Variants in DCC observed in about 807,000 individuals in gnomAD.
The protein encoded by DCC is DCC netrin 1 receptor.
In DCC, 58 loss-of-function variants were observed where a neutral mutation model predicts 172.5. That is an observed-to-expected ratio of 0.34 (90% CI 0.27 to 0.42). DCC has a LOEUF of 0.42. Among genes scored for constraint, DCC ranks in the 10% least tolerant of loss-of-function variants. DCC has a pLI of 1.00. For synonymous variants in DCC, 709 were observed against 644.5 expected (o/e 1.10, Z -1.52); for missense variants, 1,740 against 1,791.0 (o/e 0.97, Z 0.51).
rs567348871 is a variant in DCC, at chr18:52,665,534, T to A, written c.92-86520T>A. ...AGCAGATGTGCTTGAAGAGTTTGGA[T>A]GTCATCCAGAAGTTAGTGAATTGTA... On this transcript the variant is annotated intron_variant, in intron 1 of 28. Coordinates refer to ENST00000442544, the MANE Select transcript of DCC (RefSeq NM_005215.4). 2.6e-5 allele frequency among the ~76,000 whole-genome samples: 4 copies of A among 152,334 alleles called. No homozygotes were observed. The East Asian group carries it at 5.8e-4, about 22-fold the overall frequency.
At chr18:52,883,754 C>T (rs114429977) in intron 2 of DCC, among the ~76,000 whole-genome samples, 17 of 151,932 alleles carry the variant, frequency 1.1e-4, no homozygotes, top group South Asian at 4.2e-4. Context: ...ACAATTACAG[C>T]GTTATAATAT....
At chr18:52,618,132 G>A (rs920305631) in intron 1 of DCC, among the ~76,000 whole-genome samples, 4 of 151,998 alleles carry the variant, frequency 2.6e-5, no homozygotes, top group African/African-American at 9.7e-5. Context: ...CTATATATTT[G>A]TGAGCAAATA....
At chr18:52,628,116 T>G (rs181230983) in intron 1 of DCC, among the ~76,000 whole-genome samples, 1 of 152,348 alleles carries the variant, frequency 6.6e-6, no homozygotes, top group East Asian at 1.9e-4. Flanking sequence ...TGAGATGGCA[T>G]CAACTGTGAA....
intron 14 of DCC, among the ~76,000 whole-genome samples, chr18:53,338,875 C>G (rs2057621352): frequency 6.6e-6 from 1 of 152,102 alleles, no homozygotes; most frequent in African/African-American, 2.4e-5. Flanking sequence ...CAACACCATA[C>G]CTTCATTCTA....
intron 1 of DCC, among the ~76,000 whole-genome samples, chr18:52,434,816 C>G (rs1359142344): frequency 6.6e-6 from 1 of 152,098 alleles, no homozygotes; most frequent in East Asian, 1.9e-4. Context: ...CACACCTCCC[C>G]ACGCCCGTCC....
intron 5 of DCC, among the ~76,000 whole-genome samples, chr18:53,056,495 C>T (rs921167463): frequency 1.3e-5 from 2 of 152,100 alleles, no homozygotes; most frequent in Non-Finnish European, 2.9e-5. Context: ...ACAATGGCTC[C>T]TTAAAGTGAA....
chr18:52,864,841 T>C (rs932695496), intron 2 of DCC, among the ~76,000 whole-genome samples: 4 of 152,006 alleles, frequency 2.6e-5, no homozygotes, highest in African/African-American at 9.7e-5. Flanking sequence ...TCCATGTCCC[T>C]GCAAAGGATA....
intron 15 of DCC, among the ~76,000 whole-genome samples, chr18:53,372,284 C>G (rs901380990): frequency 2.6e-5 from 4 of 151,930 alleles, no homozygotes; most frequent in African/African-American, 9.7e-5. Context: ...TACTATGCAG[C>G]CATAAAAAAG....
In DCC at chr18:52,528,104, TA is replaced by T. The variant is rs1365969618; in HGVS notation, c.91+187230del. 2.0e-5 allele frequency among the ~76,000 whole-genome samples: 3 copies of T among 152,210 alleles called. No homozygotes were observed. The East Asian group carries it at 5.8e-4, about 29-fold the overall frequency. On this transcript the variant is annotated intron_variant, in intron 1 of 28. Transcript: ENST00000442544. ...TTTATGTCTGAGGGCACACATGGTT[TA>T]AAATTCTCAGGTATGAATACTTGTA...
In DCC at chr18:53,325,253, A is replaced by T. The variant is rs540776397; in HGVS notation, c.2164+3096A>T. ...TTTGAGGTCCAGTGTAGGTGATCAG[A>T]GAAAAGCCTCCACTAATCCTGTAGA... is the stretch of plus-strand genomic sequence containing the variant. On this transcript the variant is annotated intron_variant, in intron 14 of 28. Coordinates refer to ENST00000442544, the MANE Select transcript of DCC (RefSeq NM_005215.4). Among the ~76,000 whole-genome samples, 9 of 151,804 alleles carry T rather than the reference A, an allele frequency of 5.9e-5. No homozygotes were observed. In the East Asian group the frequency reaches 1.7e-3, roughly 29 times the overall value.
chr18:53,217,195 T>C (rs1784389054), intron 12 of DCC, among the ~76,000 whole-genome samples: 1 of 151,910 alleles, frequency 6.6e-6, no homozygotes, highest in South Asian at 2.1e-4. Flanking sequence ...ATGCTAACTG[T>C]ATTTGAATAT....
intron 2 of DCC, among the ~76,000 whole-genome samples, chr18:52,825,948 A>G (rs890738331): frequency 6.6e-6 from 1 of 152,256 alleles, no homozygotes; most frequent in Non-Finnish European, 1.5e-5. Context: ...AAAACAGCAG[A>G]TAATATTGTT....
At position 53,018,175 on chromosome 18, in the gene DCC, T is replaced by G. The variant is rs181828798; in HGVS notation, c.986-45130T>G. ...CCATAACTTAAAAGTTTAATAATAATAAGAAGTTACAAAAGATTGGAAGCT... is the reference window on the plus strand; with the variant it reads ...CCATAACTTAAAAGTTTAATAATAAGAAGAAGTTACAAAAGATTGGAAGCT... On this transcript the variant is annotated intron_variant, in intron 5 of 28. Transcript: ENST00000442544. 9.3e-4 allele frequency among the ~76,000 whole-genome samples: 141 copies of G among 152,224 alleles called. 1 individual carries two copies. The highest frequency in any genetic ancestry group is 1.3e-3 in the African/African-American group (53 of 41,538).
intron 1 of DCC, among the ~76,000 whole-genome samples, chr18:52,393,980 C>T (rs560740805): frequency 6.6e-6 from 1 of 152,176 alleles, no homozygotes; most frequent in African/African-American, 2.4e-5. Context: ...TTTCAATCCA[C>T]ACCATAGTTG....
intron 2 of DCC, among the ~76,000 whole-genome samples, chr18:52,768,206 C>G (rs1790521338): frequency 6.6e-6 from 1 of 152,226 alleles, no homozygotes; most frequent in Non-Finnish European, 1.5e-5. Flanking sequence ...TAAGAATTCA[C>G]TCTGGCTTGA....
intron 20 of DCC, 56 bp downstream of exon 20, chr18:53,410,702 C>A: frequency 9.0e-7 from 1 of 1,106,268 alleles, no homozygotes; most frequent in South Asian, 1.2e-5. Flanking sequence ...TATAAAATAG[C>A]TTTGCACTCT....
chr18:53,112,628 G>C (rs1012978098), intron 7 of DCC, among the ~76,000 whole-genome samples: 2 of 151,496 alleles, frequency 1.3e-5, no homozygotes, highest in Admixed American at 6.6e-5. Context: ...CAGATAAGCT[G>C]TATGTAAGGA....
intron 5 of DCC, among the ~76,000 whole-genome samples, chr18:52,971,826 G>A (rs1192091648): frequency 6.6e-6 from 1 of 152,086 alleles, no homozygotes; most frequent in African/African-American, 2.4e-5. Context: ...ATTGATCTTA[G>A]GTGTGACATT....
At chr18:52,789,134 C>T (rs940331858) in intron 2 of DCC, among the ~76,000 whole-genome samples, 3 of 152,088 alleles carry the variant, frequency 2.0e-5, no homozygotes, top group Non-Finnish European at 4.4e-5. Context: ...TATCATGATG[C>T]GAGGTAATTT....
Sources: allele counts gnomAD v4.1 joint callset (sites outside exome capture counted in the v4.1 genomes callset), GRCh38; gene constraint gnomAD v4.1.1; transcripts MANE v1.5; gene names NCBI Gene and HGNC (gene_info 2026-07-23, HGNC 2026-07-21).